Variants in CDH13 observed in about 807,000 individuals in gnomAD.
CDH13 encodes the protein cadherin 13.
Under a neutral mutation model 63.8 loss-of-function variants are expected in CDH13, and 24 were observed. The ratio of observed to expected loss-of-function variants is 0.38; its 90% CI spans 0.27 to 0.53. The LOEUF (loss-of-function observed/expected upper bound fraction) is 0.53, where lower values mean the gene tolerates loss of function less well. Ranked by LOEUF, CDH13 falls within the 20% of genes least tolerant of loss-of-function variation. CDH13 has a pLI of 0.85. For missense variants in CDH13, 1,049 were observed against 903.1 expected, an observed-to-expected ratio of 1.16 and a Z score of -2.07; for synonymous variants, 503 against 355.3, an observed-to-expected ratio of 1.42 and a Z score of -4.67.
Position 82,993,461 on chromosome 16 carries a change from C to G in CDH13, c.158-38549C>G, listed in dbSNP as rs186967424. Among the ~76,000 whole-genome samples, 3 of 152,098 alleles carry G rather than the reference C, an allele frequency of 2.0e-5. No individual in the cohort carries two copies. In the East Asian group the frequency reaches 5.8e-4, roughly 29 times the overall value. ...GTGAGAGAGGTGTGTAAATTGACTC[C>G]GTGAGGACTCTAGGAACTGATCTTT... On this transcript the variant is annotated intron_variant, in intron 2 of 13. Coordinates refer to ENST00000567109, the MANE Select transcript of CDH13 (RefSeq NM_001257.5).
chr16:82,955,861 C>T (rs1248198779), intron 2 of CDH13, among the ~76,000 whole-genome samples: 1 of 152,096 alleles, frequency 6.6e-6, no homozygotes, highest in African/African-American at 2.4e-5. Context: ...GAGGGGTTTG[C>T]AATGTAAATA....
intron 10 of CDH13, among the ~76,000 whole-genome samples, chr16:83,720,512 G>A (rs1218230997): frequency 2.6e-5 from 4 of 152,118 alleles, no homozygotes; most frequent in Admixed American, 2.0e-4. Context: ...GGAGGCTGAG[G>A]CAGGAAGATT....
At chr16:83,132,989 A>C (rs1243952482) in intron 4 of CDH13, among the ~76,000 whole-genome samples, 1 of 152,190 alleles carries the variant, frequency 6.6e-6, no homozygotes. Context: ...GGAGCAGCCC[A>C]CATTCACACT....
intron 6 of CDH13, among the ~76,000 whole-genome samples, chr16:83,389,857 C>T (rs896583788): frequency 2.4e-4 from 36 of 152,336 alleles, no homozygotes; most frequent in African/African-American, 8.2e-4. Context: ...GCCCTTAAAT[C>T]TACGAAGAAC....
intron 6 of CDH13, among the ~76,000 whole-genome samples, chr16:83,449,698 G>A (rs1286460153): frequency 6.6e-6 from 1 of 152,172 alleles, no homozygotes; most frequent in East Asian, 1.9e-4. Flanking sequence ...GTGGCCAAAT[G>A]ATGGTTTCAA....
intron 5 of CDH13, among the ~76,000 whole-genome samples, chr16:83,222,300 AT>A (rs1484093981): frequency 1.3e-5 from 2 of 152,214 alleles, no homozygotes; most frequent in African/African-American, 4.8e-5. Flanking sequence ...TACAACTGGC[AT>A]TCAGAGGTAT....
At chr16:82,966,169 G>C (rs1449150609) in intron 2 of CDH13, among the ~76,000 whole-genome samples, 2 of 152,060 alleles carry the variant, frequency 1.3e-5, no homozygotes. Context: ...GTTTGTTTGA[G>C]ACAAAGACTC....
chr16:82,935,786 G>A (rs1381069721), intron 2 of CDH13, among the ~76,000 whole-genome samples: 1 of 152,084 alleles, frequency 6.6e-6, no homozygotes, highest in African/African-American at 2.4e-5. Flanking sequence ...GTTTCTTGTT[G>A]TGTACCAGGA....
At chr16:83,747,989 T>G (rs1597169499) in intron 10 of CDH13, 119 bp from the exon 11 acceptor site, 1 of 1,032,646 alleles carries the variant, frequency 9.7e-7, no homozygotes, top group Non-Finnish European at 1.5e-6. Context: ...AAATGATGGT[T>G]TTGGATTTTT....
At chr16:83,724,761 A>G (rs890278998) in intron 10 of CDH13, among the ~76,000 whole-genome samples, 2 of 152,130 alleles carry the variant, frequency 1.3e-5, no homozygotes, top group African/African-American at 4.8e-5. Flanking sequence ...GTCAGGAGCA[A>G]GATGATTGAT....
intron 4 of CDH13, among the ~76,000 whole-genome samples, chr16:83,175,821 CTTTTTT>C (rs762355886): frequency 0.16 from 14,619 of 90,038 alleles, 529 homozygotes; most frequent in South Asian, 0.19. Flanking sequence ...TTTCAACCTG[CTTTTTT>C]TTTTTTTTTT....
chr16:82,800,840 A>G (rs1449921290), intron 1 of CDH13, among the ~76,000 whole-genome samples: 1 of 152,112 alleles, frequency 6.6e-6, no homozygotes, highest in Non-Finnish European at 1.5e-5. Flanking sequence ...GAGTTTGGTT[A>G]TTTTACTCAT....
At chr16:82,810,756 GGA>G (rs1425420475) in intron 1 of CDH13, among the ~76,000 whole-genome samples, 7 of 152,090 alleles carry the variant, frequency 4.6e-5, no homozygotes, top group Admixed American at 6.6e-5. Context: ...GCATAAGAGG[GGA>G]GAGAGAGGAA....
At chr16:83,160,021 A>G (rs1346788109) in intron 4 of CDH13, among the ~76,000 whole-genome samples, 1 of 152,130 alleles carries the variant, frequency 6.6e-6, no homozygotes, top group Admixed American at 6.5e-5. Flanking sequence ...GGTTGCAGTG[A>G]GCCGATATCA....
At chr16:83,300,407 A>G (rs1353571579) in intron 5 of CDH13, among the ~76,000 whole-genome samples, 1 of 152,256 alleles carries the variant, frequency 6.6e-6, no homozygotes, top group Non-Finnish European at 1.5e-5. Context: ...TTCTGTGTCA[A>G]TATTTTCATT....
At chr16:83,266,262 T>C (rs964254290) in intron 5 of CDH13, among the ~76,000 whole-genome samples, 4 of 152,162 alleles carry the variant, frequency 2.6e-5, no homozygotes, top group African/African-American at 9.7e-5. Context: ...TTACCATTTG[T>C]GCAGGAAATC....
chr16:83,695,147 C>A (rs571430124), intron 10 of CDH13, among the ~76,000 whole-genome samples: 2 of 152,206 alleles, frequency 1.3e-5, no homozygotes, highest in African/African-American at 4.8e-5. Context: ...GTGGAGATTG[C>A]AGTGAGCCAA....
At chr16:83,162,818 G>C (rs1316123681) in intron 4 of CDH13, among the ~76,000 whole-genome samples, 1 of 152,066 alleles carries the variant, frequency 6.6e-6, no homozygotes, top group African/African-American at 2.4e-5. Flanking sequence ...CAGTCTGTAG[G>C]CCACCCTTGG....
intron 4 of CDH13, among the ~76,000 whole-genome samples, chr16:83,157,126 A>C (rs942818841): frequency 2.0e-5 from 3 of 152,242 alleles, no homozygotes; most frequent in Non-Finnish European, 4.4e-5. Flanking sequence ...ATCCTGGTTC[A>C]GTAGATTGTC....
Sources: gnomAD v4.1 joint callset for allele counts (sites outside exome capture counted in the v4.1 genomes callset) on GRCh38, gnomAD v4.1.1 for gene constraint, MANE v1.5 for transcripts, NCBI Gene and HGNC (gene_info 2026-07-23, HGNC 2026-07-21) for gene names.